The following MEP1B variants were observed in gnomAD, a reference collection of about 807,000 sequenced individuals.
The protein encoded by MEP1B is meprin A subunit beta.
A neutral mutation model predicts 84.6 loss-of-function variants in MEP1B; 80 were observed. The ratio of observed to expected loss-of-function variants is 0.95; its 90% confidence interval spans 0.79 to 1.14. MEP1B has a LOEUF of 1.14. MEP1B is among the 50% of genes most tolerant of loss of function. MEP1B has a pLI of 0.00. For synonymous variants in MEP1B, 273 were observed against 288.1 expected, an observed-to-expected ratio of 0.95 and a Z score of 0.53; for missense variants, 766 against 855.1, an observed-to-expected ratio of 0.90 and a Z score of 1.30.
chr18:32,196,802 C>T lies in MEP1B; in HGVS notation c.250+1317C>T, dbSNP rs1459191719. 4 of 648,794 alleles carry T rather than the reference C, an allele frequency of 6.2e-6. No individual in the cohort carries two copies. Among genetic ancestry groups the T allele is most frequent in the Non-Finnish European group, 1.1e-5 (4 of 354,762 alleles). 40.2% of individuals were successfully genotyped at this position (648,794 alleles called of 1,614,324 possible). On this transcript the variant is annotated intron_variant, in intron 5 of 14. Coordinates refer to ENST00000269202, the MANE Select transcript of MEP1B (RefSeq NM_005925.3). The surrounding 1 kb of genome is among the most constrained non-coding windows in gnomAD (Gnocchi z 4.4). Reference sequence around the variant, plus strand: ...TGTTGGGGTGCTCGATGCCCATCACCCGCACGCTCATCAGCACTGCCTTCT... The same window carrying T: ...TGTTGGGGTGCTCGATGCCCATCACTCGCACGCTCATCAGCACTGCCTTCT...
At chr18:32,205,085 A>G (rs1466042191) in intron 7 of MEP1B, among the ~76,000 whole-genome samples, 1 of 152,204 alleles carries the variant, frequency 6.6e-6, no homozygotes, top group Non-Finnish European at 1.5e-5. Flanking sequence ...TTATCCTGCT[A>G]TACTGCTCTG....
rs560327967 is a variant in MEP1B at position 32,197,170 on chromosome 18, A to G, written c.250+1685A>G. ...TTTTCATACAGTAAATAATGTTATTAGTGTAGTATTAAAATGTTAAAAAGT... is the reference window on the plus strand; with the variant it reads ...TTTTCATACAGTAAATAATGTTATTGGTGTAGTATTAAAATGTTAAAAAGT... On this transcript the variant is annotated intron_variant, in intron 5 of 14. Transcript: ENST00000269202. Among the ~76,000 whole-genome samples the G allele has an allele frequency of 5.9e-5, 9 of 152,334 alleles. 1 individual carries two copies. The South Asian group carries it at 1.9e-3, about 32-fold the overall frequency.
chr18:32,196,240 C>T lies in MEP1B; in HGVS notation c.250+755C>T. 1 of 701,188 alleles carries T rather than the reference C, an allele frequency of 1.4e-6. No homozygotes were observed. Among genetic ancestry groups the T allele is most frequent in the East Asian group, 2.7e-5 (1 of 37,150 alleles). The allele number at this position is 701,188 out of a possible 1,614,324, so 43.4% of individuals were successfully genotyped here. ...AGGAATGAAGAGGATGCCATTGATG[C>T]CTTTGAACTGCTCCAAGACGCTGGC... is the stretch of plus-strand genomic sequence containing the variant. On this transcript the variant is annotated intron_variant, in intron 5 of 14. Transcript: ENST00000269202. This position sits in a 1 kb window ranked among gnomAD's most constrained non-coding sequence, Gnocchi z 4.4.
Position 32,196,567 on chromosome 18 carries a change from C to T in MEP1B, c.250+1082C>T, listed in dbSNP as rs899399497. 4.4e-5 allele frequency: 31 copies of T among 709,068 alleles called. No individual in the cohort carries two copies. Among genetic ancestry groups the T allele is most frequent in the African/African-American group, 3.1e-4 (18 of 57,560 alleles). The allele number at this position is 709,068 out of a possible 1,614,324, so 43.9% of individuals were successfully genotyped here. On this transcript the variant is annotated intron_variant, in intron 5 of 14. Coordinates refer to ENST00000269202, the MANE Select transcript of MEP1B (RefSeq NM_005925.3). This position sits in a 1 kb window ranked among gnomAD's most constrained non-coding sequence, Gnocchi z 4.4. ...TTGGGCCCTTGGTACTTGGTGCTGA[C>T]GGCCAGCGCGTTGTCCAGGAAGCAC...
intron 10 of MEP1B, among the ~76,000 whole-genome samples, chr18:32,211,109 A>T (rs1263246456): frequency 6.6e-6 from 1 of 152,050 alleles, no homozygotes; most frequent in Non-Finnish European, 1.5e-5. Flanking sequence ...CTACTGAAAA[A>T]ATACATAAAT....
chr18:32,192,754 A>T lies in MEP1B; in HGVS notation c.128-20A>T. 6.2e-7 allele frequency: 1 copy of T among 1,612,906 alleles called. No individual in the cohort carries two copies. The highest frequency in any genetic ancestry group is 8.5e-7 in the Non-Finnish European group (1 of 1,179,178). ...GTTTGAATCCAATTTGCTAACATGA[A>T]TTTTTATCTTTACTCTTAGGTTTGG... On this transcript the variant is annotated intron_variant, in intron 3 of 14. Transcript: ENST00000269202.
At position 32,197,270 on chromosome 18, in the gene MEP1B, T is replaced by C. The variant is rs148758732; in HGVS notation, c.250+1785T>C. ...TAAATATGTTGGAAAACTCTAAACA[T>C]GGTCTTCATTTTAATCTATGGACTA... On this transcript the variant is annotated intron_variant, in intron 5 of 14. Coordinates refer to ENST00000269202, the MANE Select transcript of MEP1B (RefSeq NM_005925.3). Among the ~76,000 whole-genome samples the C allele has an allele frequency of 1.9e-3, 288 of 152,304 alleles. 2 individuals carry two copies. Among genetic ancestry groups the C allele is most frequent in the African/African-American group, 6.5e-3 (272 of 41,562 alleles).
In MEP1B at chr18:32,196,905, TC is replaced by T; in HGVS notation, c.250+1422del. 1 of 445,110 alleles carries T rather than the reference TC, an allele frequency of 2.2e-6. No individual in the cohort carries two copies. The highest frequency in any genetic ancestry group is 4.3e-6 in the Non-Finnish European group (1 of 234,894). 27.6% of individuals were successfully genotyped at this position (445,110 alleles called of 1,614,324 possible). On this transcript the variant is annotated intron_variant, in intron 5 of 14. Transcript: ENST00000269202. This position sits in a 1 kb window ranked among gnomAD's most constrained non-coding sequence, Gnocchi z 4.4. The stretch of plus-strand genomic sequence containing the variant: ...AAGGAGGCGCAGGCAGGCTCAGATC[TC>T]CACGTGCACTGCTCCCTACACTTGG...
chr18:32,205,220 T>G (rs907071868), intron 7 of MEP1B, among the ~76,000 whole-genome samples: 3 of 152,362 alleles, frequency 2.0e-5, no homozygotes, highest in South Asian at 4.1e-4. Context: ...ATTTATTGTT[T>G]CATGGAACAA....
Position 32,204,294 on chromosome 18 carries a change from T to C in MEP1B, c.481T>C (p.Trp161Arg). ...CGAGTTCCTCCACGCTCTGGGATTC[T>C]GGCATGAGCAGTCGCGTTCTGACCG... ...QHEFLHALGF[W>R]HEQSRSDRDD... The change falls in exon 7 of 15, where the codon TGG (tryptophan) becomes CGG (arginine). Residue 161 changes from tryptophan (W) to arginine (R), a missense_variant. Trp to Arg is a moderately radical substitution (Grantham distance 101). Transcript: ENST00000269202. The C allele has an allele frequency of 6.2e-7, 1 of 1,604,570 alleles. No homozygotes were observed. Among genetic ancestry groups the C allele is most frequent in the Non-Finnish European group, 8.5e-7 (1 of 1,175,802 alleles).
intron 9 of MEP1B, among the ~76,000 whole-genome samples, chr18:32,208,903 T>C (rs1038411971): frequency 2.6e-5 from 4 of 152,134 alleles, no homozygotes; most frequent in Non-Finnish European, 4.4e-5. Context: ...AGGCCTCTAA[T>C]GGCAAAAAGG....
chr18:32,202,775 A>C (rs1291584668), intron 5 of MEP1B, 118 bp from the exon 6 acceptor site: 7 of 627,928 alleles, frequency 1.1e-5, no homozygotes, highest in Non-Finnish European at 2.0e-5. Flanking sequence ...AAAAGACTCA[A>C]CATTCATGAA....
At position 32,213,271 on chromosome 18, in the gene MEP1B, A is replaced by G. The variant is rs369048823; in HGVS notation, c.1291A>G (p.Ile431Val). The change falls in exon 11 of 15, where the codon ATC (isoleucine) becomes GTC (valine). Residue 431 changes from isoleucine (I) to valine (V), a missense_variant. Transcript: ENST00000269202. ...TTCGGAAACACGGTGCCCTCATCAT[A>G]TCTGGCATATAAGGAATTTCACACA... ...NLSETRCPHH[I>V]WHIRNFTQFI... is the part of the protein sequence containing the mutation. 14 of 1,613,892 alleles carry G rather than the reference A, an allele frequency of 8.7e-6. No homozygotes were observed. In the African/African-American group the frequency reaches 1.5e-4, roughly 17 times the overall value.
intron 1 of MEP1B, among the ~76,000 whole-genome samples, chr18:32,190,588 G>T (rs1254595589): frequency 6.6e-6 from 1 of 152,016 alleles, no homozygotes; most frequent in Non-Finnish European, 1.5e-5. Flanking sequence ...TTTCTATCAG[G>T]TAGTTTGTAT....
intron 9 of MEP1B, among the ~76,000 whole-genome samples, chr18:32,208,820 T>A (rs6506965): frequency 0.13 from 19,206 of 152,272 alleles, 1,954 homozygotes; most frequent in African/African-American, 0.28. Flanking sequence ...TATTCTGGCA[T>A]CAAATATGTA....
chr18:32,209,113 G>A (rs2040995944), intron 9 of MEP1B, among the ~76,000 whole-genome samples: 2 of 152,080 alleles, frequency 1.3e-5, no homozygotes, highest in Admixed American at 6.5e-5. Flanking sequence ...TTCATAAATC[G>A]CCTGCTCCTA....
At chr18:32,202,039 C>T (rs982557480) in intron 5 of MEP1B, among the ~76,000 whole-genome samples, 3 of 152,194 alleles carry the variant, frequency 2.0e-5, no homozygotes, top group African/African-American at 7.2e-5. Flanking sequence ...GATAATAACA[C>T]CAAAGCTCCA....
chr18:32,200,517 G>T (rs1447022512), intron 5 of MEP1B, among the ~76,000 whole-genome samples: 1 of 148,950 alleles, frequency 6.7e-6, no homozygotes, highest in African/African-American at 2.4e-5. Context: ...TTTCAGAAAT[G>T]TATACCATCT....
chr18:32,210,803 G>A lies in MEP1B; in HGVS notation c.1135+87G>A, dbSNP rs1403183579. On this transcript the variant is annotated intron_variant, in intron 10 of 14. Coordinates refer to ENST00000269202, the MANE Select transcript of MEP1B (RefSeq NM_005925.3). The stretch of plus-strand genomic sequence containing the variant: ...AGTTAATGCAACAATTTACAATAGG[G>A]CAGGGGCTACTGAGTCACTATACTT... The A allele has an allele frequency of 3.9e-4, 425 of 1,078,496 alleles. 1 individual carries two copies. Among genetic ancestry groups the A allele is most frequent in the Non-Finnish European group, 2.0e-4 (142 of 714,410 alleles). 66.8% of individuals were successfully genotyped at this position (1,078,496 alleles called of 1,614,324 possible). A position where few individuals can be genotyped will look rare whatever the true frequency, so the allele number is the denominator to read the frequency against.
Sources: allele counts gnomAD v4.1 joint callset (sites outside exome capture counted in the v4.1 genomes callset), GRCh38; gene constraint gnomAD v4.1.1; non-coding constraint Gnocchi (gnomAD v3.1); transcripts MANE v1.5; gene names NCBI Gene and HGNC (gene_info 2026-07-23, HGNC 2026-07-21).